TRABD2B: variants seen among roughly 807,000 people sequenced by gnomAD.
TRABD2B encodes the protein TraB domain containing 2B.
Under a neutral mutation model 40.1 loss-of-function variants are expected in TRABD2B, and 14 were observed. The ratio of observed to expected loss-of-function variants is 0.35; its 90% CI spans 0.23 to 0.55. The LOEUF (loss-of-function observed/expected upper bound fraction) is 0.55, where lower values mean the gene tolerates loss of function less well. Ranked by LOEUF, TRABD2B falls within the 20% of genes least tolerant of loss-of-function variation. The pLI is 0.90. For synonymous variants in TRABD2B, 263 were observed against 277.0 expected (o/e 0.95, Z 0.50); for missense variants, 541 against 648.6 (o/e 0.83, Z 1.80).
intron 2 of TRABD2B, among the ~76,000 whole-genome samples, chr1:47,985,027 T>A (rs1467031249): frequency 6.6e-6 from 1 of 152,266 alleles, no homozygotes; most frequent in African/African-American, 2.4e-5. Flanking sequence ...TAGTATGTAC[T>A]GAGCATTTGT....
At chr1:47,861,772 A>G (rs1643976189) in intron 2 of TRABD2B, among the ~76,000 whole-genome samples, 1 of 152,232 alleles carries the variant, frequency 6.6e-6, no homozygotes, top group East Asian at 1.9e-4. Flanking sequence ...TGTGAGGCCT[A>G]ACCTCAGCCA....
At chr1:47,905,909 T>C (rs756280775) in intron 2 of TRABD2B, among the ~76,000 whole-genome samples, 1 of 152,182 alleles carries the variant, frequency 6.6e-6, no homozygotes, top group Non-Finnish European at 1.5e-5. Flanking sequence ...TGCTTCCCAT[T>C]TGGAATCTCA....
At chr1:47,986,427 G>A (rs1016156773) in intron 2 of TRABD2B, among the ~76,000 whole-genome samples, 2 of 152,164 alleles carry the variant, frequency 1.3e-5, no homozygotes, top group Non-Finnish European at 2.9e-5. Flanking sequence ...ATCTAATTTT[G>A]TAATCAATTG....
chr1:47,956,889 G>C (rs1645431112), intron 2 of TRABD2B, among the ~76,000 whole-genome samples: 1 of 152,238 alleles, frequency 6.6e-6, no homozygotes, highest in African/African-American at 2.4e-5. Context: ...TGAGATCTGA[G>C]AATGGACAGA....
intron 2 of TRABD2B, among the ~76,000 whole-genome samples, chr1:47,846,896 A>ACACACACACACACGC (rs1557610238): frequency 3.4e-5 from 5 of 148,354 alleles, no homozygotes; most frequent in South Asian, 2.2e-4. Flanking sequence ...ACACACACAC[A>ACACACACACACACGC]AATGAGGGCT....
chr1:47,889,862 C>A (rs1436120346), intron 2 of TRABD2B, among the ~76,000 whole-genome samples: 3 of 152,212 alleles, frequency 2.0e-5, no homozygotes, highest in Non-Finnish European at 2.9e-5. Flanking sequence ...GAAGACAATA[C>A]TTAATGTCTT....
intron 2 of TRABD2B, among the ~76,000 whole-genome samples, chr1:47,844,770 G>A (rs1236568250): frequency 1.3e-5 from 2 of 152,182 alleles, no homozygotes; most frequent in African/African-American, 2.4e-5. Context: ...TACAGGCAGT[G>A]AAAGCAGCAT....
chr1:47,844,794 G>A (rs867595338), intron 2 of TRABD2B, among the ~76,000 whole-genome samples: 2 of 152,200 alleles, frequency 1.3e-5, no homozygotes, highest in Admixed American at 1.3e-4. Flanking sequence ...TAAAGGTCAG[G>A]AACTTGGGTA....
chr1:47,766,387 A>T (rs1158158562), intron 6 of TRABD2B, among the ~76,000 whole-genome samples: 1 of 152,060 alleles, frequency 6.6e-6, no homozygotes, highest in African/African-American at 2.4e-5. Flanking sequence ...ACCACTCGAG[A>T]GAATGGGTCC....
chr1:47,949,991 GGA>G (rs1645317640), intron 2 of TRABD2B, among the ~76,000 whole-genome samples: 1 of 152,140 alleles, frequency 6.6e-6, no homozygotes, highest in African/African-American at 2.4e-5. Flanking sequence ...TGTAAAGAAA[GGA>G]GAGAGAGGTA....
chr1:47,868,758 G>A (rs980475791), intron 2 of TRABD2B, among the ~76,000 whole-genome samples: 7 of 152,162 alleles, frequency 4.6e-5, no homozygotes, highest in African/African-American at 1.7e-4. Context: ...GGGAACCACT[G>A]CTCTAAAGCA....
chr1:47,826,994 G>A (rs1645184696), intron 2 of TRABD2B, among the ~76,000 whole-genome samples: 1 of 152,186 alleles, frequency 6.6e-6, no homozygotes, highest in African/African-American at 2.4e-5. Flanking sequence ...CAAAGATGGG[G>A]AAACCTTTGG....
At chr1:47,884,083 GA>G (rs1177512009) in intron 2 of TRABD2B, among the ~76,000 whole-genome samples, 3 of 152,194 alleles carry the variant, frequency 2.0e-5, no homozygotes, top group African/African-American at 7.2e-5. Context: ...TAAATAATGG[GA>G]AAGCCATAGA....
chr1:47,771,848 C>T (rs891788300), intron 6 of TRABD2B, among the ~76,000 whole-genome samples: 5 of 152,180 alleles, frequency 3.3e-5, no homozygotes, highest in South Asian at 2.1e-4. Flanking sequence ...TTTACATCTC[C>T]GGTAATGAGG....
rs775730537 is a variant in TRABD2B at position 47,994,230 on chromosome 1, T to C, written c.470A>G (p.Asn157Ser). The change falls in exon 2 of 7, where the codon AAC becomes AGC. Residue 157 changes from asparagine (N) to serine (S), a missense_variant. Around this residue, in one of 2 missense-constraint regions of TRABD2B, gnomAD observed 369 missense variants for 492.8 expected, o/e 0.75. Transcript: ENST00000606738. The surrounding 1 kb of genome is among the most constrained non-coding windows in gnomAD (Gnocchi z 6.7). ...CCAGACGGGCCTCTTGCGCTCCCAG[T>C]TGCCCGCGATGGCATTGAATAGGTA... ...ADYLFNAIAGNWERKRPVWVM... is the reference protein window; with the variant it reads ...ADYLFNAIAGSWERKRPVWVM... 6.5e-7 allele frequency: 1 copy of C among 1,545,480 alleles called. No homozygotes were observed. The highest frequency in any genetic ancestry group is 8.7e-7 in the Non-Finnish European group (1 of 1,151,254).
At chr1:47,909,803 C>CCCTCA (rs1644736499) in intron 2 of TRABD2B, among the ~76,000 whole-genome samples, 2 of 15,152 alleles carry the variant, frequency 1.3e-4, no homozygotes, top group Non-Finnish European at 2.4e-4. Flanking sequence ...CCCCCCCCTT[C>CCCTCA]CTCCCTTCCT....
intron 2 of TRABD2B, among the ~76,000 whole-genome samples, chr1:47,972,102 A>C (rs1009815213): frequency 3.9e-5 from 6 of 152,342 alleles, no homozygotes; most frequent in Non-Finnish European, 7.3e-5. Context: ...AGTAGTTATA[A>C]AAATTATTGT....
chr1:47,785,760 T>C (rs1284804297), intron 4 of TRABD2B, among the ~76,000 whole-genome samples: 1 of 152,142 alleles, frequency 6.6e-6, no homozygotes, highest in Non-Finnish European at 1.5e-5. Flanking sequence ...CAGCCAGGGA[T>C]CTCCATGGCC....
At chr1:47,804,871 A>C (rs1246410218) in intron 2 of TRABD2B, among the ~76,000 whole-genome samples, 1 of 152,178 alleles carries the variant, frequency 6.6e-6, no homozygotes, top group Non-Finnish European at 1.5e-5. Flanking sequence ...AGAACTCAAA[A>C]TATGGAGAAG....
Sources: allele counts gnomAD v4.1 joint callset (sites outside exome capture counted in the v4.1 genomes callset), GRCh38; gene constraint gnomAD v4.1.1; regional missense constraint gnomAD v4.1.1; non-coding constraint Gnocchi (gnomAD v3.1); transcripts MANE v1.5; gene names NCBI Gene and HGNC (gene_info 2026-07-23, HGNC 2026-07-21).